NRG1: variants seen among roughly 807,000 people sequenced by gnomAD.
NRG1 encodes pro-neuregulin-1, membrane-bound isoform.
NRG1 carries 18 observed loss-of-function variants against 63.8 expected under a neutral mutation model. The observed-to-expected ratio is 0.28, with a 90% confidence interval of 0.19 to 0.42. NRG1 has a LOEUF of 0.42. NRG1 is among the 10% of genes least tolerant of loss of function. The pLI is 1.00. For synonymous variants in NRG1, 302 were observed against 301.3 expected (o/e 1.00, Z -0.02); for missense variants, 762 against 814.7 (o/e 0.94, Z 0.79).
intron 1 of NRG1, among the ~76,000 whole-genome samples, chr8:32,127,783 T>C (rs1335405165): frequency 6.6e-6 from 1 of 151,700 alleles, no homozygotes; most frequent in Non-Finnish European, 1.5e-5. Context: ...TGGTGATTCA[T>C]GGTTTAAGAA....
chr8:32,183,321 T>G (rs1327580104), intron 1 of NRG1, among the ~76,000 whole-genome samples: 1 of 152,218 alleles, frequency 6.6e-6, no homozygotes, highest in Non-Finnish European at 1.5e-5. Context: ...TCCCAAGGAC[T>G]TAAGGTCAAG....
intron 5 of NRG1, among the ~76,000 whole-genome samples, chr8:32,723,487 C>G (rs191992097): frequency 1.6e-3 from 244 of 151,752 alleles, no homozygotes; most frequent in African/African-American, 5.6e-3. Context: ...GGAAACCATC[C>G]TGGCCAACAT....
chr8:32,358,595 TAAG>T (rs1158229294), intron 1 of NRG1, among the ~76,000 whole-genome samples: 8 of 152,242 alleles, frequency 5.3e-5, no homozygotes, highest in Admixed American at 4.6e-4. Flanking sequence ...GTACAGGAAT[TAAG>T]AAGAACATAG....
chr8:32,066,545 A>G (rs1227887281), intron 1 of NRG1, among the ~76,000 whole-genome samples: 6 of 152,060 alleles, frequency 3.9e-5, no homozygotes, highest in Non-Finnish European at 5.9e-5. Context: ...CCATTGGTCT[A>G]TATCTCTGTT....
At chr8:31,827,256 T>A (rs1824660112) in intron 1 of NRG1, among the ~76,000 whole-genome samples, 1 of 152,226 alleles carries the variant, frequency 6.6e-6, no homozygotes, top group Non-Finnish European at 1.5e-5. Context: ...AGTGAAGAAG[T>A]GTCAGATAGT....
intron 1 of NRG1, among the ~76,000 whole-genome samples, chr8:31,833,562 A>G (rs924434678): frequency 6.6e-6 from 1 of 152,218 alleles, no homozygotes; most frequent in African/African-American, 2.4e-5. Context: ...TTCCTTGGGC[A>G]CCAGTGGTTG....
chr8:32,194,383 T>C (rs1842773071), intron 1 of NRG1, among the ~76,000 whole-genome samples: 1 of 152,212 alleles, frequency 6.6e-6, no homozygotes, highest in Non-Finnish European at 1.5e-5. Context: ...AACTCAGAGT[T>C]TAAACATTTT....
At chr8:31,879,002 G>GA (rs1012358471) in intron 1 of NRG1, among the ~76,000 whole-genome samples, 150 of 146,762 alleles carry the variant, frequency 1.0e-3, no homozygotes, top group Admixed American at 1.8e-3. Flanking sequence ...TCCATCTCAA[G>GA]AAAAAAAAAA....
At chr8:32,687,780 A>G (rs558479458) in intron 5 of NRG1, among the ~76,000 whole-genome samples, 1 of 152,376 alleles carries the variant, frequency 6.6e-6, no homozygotes, top group East Asian at 1.9e-4. Context: ...TAAGAGTACA[A>G]GTAAAGCTCT....
intron 1 of NRG1, among the ~76,000 whole-genome samples, chr8:32,132,865 A>G: frequency 6.6e-6 from 1 of 152,104 alleles, no homozygotes; most frequent in East Asian, 1.9e-4. Flanking sequence ...CTTTGCAGCT[A>G]AGGAAGTTTT....
At chr8:32,377,248 G>T (rs1587201919) in intron 1 of NRG1, among the ~76,000 whole-genome samples, 1 of 152,132 alleles carries the variant, frequency 6.6e-6, no homozygotes, top group African/African-American at 2.4e-5. Flanking sequence ...GTGTTCCTTT[G>T]TTTCCCCATT....
chr8:32,641,394 T>G (rs1206645533), intron 5 of NRG1, among the ~76,000 whole-genome samples: 1 of 152,154 alleles, frequency 6.6e-6, no homozygotes, highest in Non-Finnish European at 1.5e-5. Context: ...CCCTTCCATC[T>G]AGTTCCAAAA....
intron 1 of NRG1, among the ~76,000 whole-genome samples, chr8:32,037,330 A>G (rs900051805): frequency 2.6e-5 from 4 of 152,178 alleles, no homozygotes; most frequent in Non-Finnish European, 5.9e-5. Flanking sequence ...AGGAGCACCA[A>G]CCTGATGCTG....
At chr8:31,918,596 C>T (rs1189633861) in intron 1 of NRG1, among the ~76,000 whole-genome samples, 4 of 152,086 alleles carry the variant, frequency 2.6e-5, no homozygotes, top group South Asian at 2.1e-4. Context: ...CTGCTGGATT[C>T]GTTTTGCCAG....
At chr8:32,573,777 T>C (rs1461070110) in intron 1 of NRG1, among the ~76,000 whole-genome samples, 4 of 152,138 alleles carry the variant, frequency 2.6e-5, no homozygotes, top group Admixed American at 1.3e-4. Flanking sequence ...GCATTAGGTA[T>C]ATCTCCTAAT....
At chr8:31,843,035 C>A (rs370798662) in intron 1 of NRG1, among the ~76,000 whole-genome samples, 1 of 151,982 alleles carries the variant, frequency 6.6e-6, no homozygotes, top group Admixed American at 6.6e-5. Context: ...ATGTAGCAAA[C>A]TATAAAGGTT....
At chr8:32,557,623 A>G (rs980751154) in intron 1 of NRG1, among the ~76,000 whole-genome samples, 1 of 152,196 alleles carries the variant, frequency 6.6e-6, no homozygotes, top group Admixed American at 6.5e-5. Context: ...CCCCAGAAGG[A>G]TTAGATGAAA....
At chr8:32,053,703 T>C (rs369536677) in intron 1 of NRG1, among the ~76,000 whole-genome samples, 7 of 152,306 alleles carry the variant, frequency 4.6e-5, no homozygotes, top group African/African-American at 1.7e-4. Flanking sequence ...TCTGTTGTTA[T>C]AACAGTTTCT....
In NRG1 at chr8:32,225,727, A is replaced by G. The variant is rs114945858; in HGVS notation, c.38-370101A>G. 4.5e-3 allele frequency among the ~76,000 whole-genome samples: 682 copies of G among 152,330 alleles called. 4 individuals are homozygous for G. Among genetic ancestry groups the G allele is most frequent in the African/African-American group, 0.016 (656 of 41,582 alleles). On this transcript the variant is annotated intron_variant, in intron 1 of 10. Transcript: ENST00000519301. ...TAATAAGCAGCTAGAAAGTACCACA[A>G]TGTAAATTCAACTGCAGAAGACATG...
Sources: gnomAD v4.1 joint callset for allele counts (sites outside exome capture counted in the v4.1 genomes callset) on GRCh38, gnomAD v4.1.1 for gene constraint, MANE v1.5 for transcripts, NCBI Gene and HGNC (gene_info 2026-07-23, HGNC 2026-07-21) for gene names.